Variants in PXK observed in about 807,000 individuals in gnomAD.
PXK encodes PX domain-containing protein kinase-like protein.
Under a neutral mutation model 84.7 loss-of-function variants are expected in PXK, and 35 were observed. The observed-to-expected ratio is 0.41, with a 90% CI of 0.32 to 0.55. The LOEUF is 0.55. PXK is among the 20% of genes least tolerant of loss of function. PXK has a pLI of 0.21. For synonymous variants in PXK, 253 were observed against 260.8 expected (o/e 0.97, Z 0.29); for missense variants, 634 against 699.7 (o/e 0.91, Z 1.06).
intron 7 of PXK, among the ~76,000 whole-genome samples, chr3:58,393,272 C>T (rs113533985): frequency 0.1 from 15,625 of 151,852 alleles, 1,058 homozygotes; most frequent in African/African-American, 0.18. Context: ...GGCGTGAACC[C>T]GGGAGGCGGA....
chr3:58,421,813 G>A lies in PXK; in HGVS notation c.1529-2939G>A, dbSNP rs2061915732. On this transcript the variant is annotated intron_variant, in intron 17 of 17. Coordinates refer to ENST00000356151, the MANE Select transcript of PXK (RefSeq NM_017771.5). This position sits in a 1 kb window ranked among gnomAD's most constrained non-coding sequence, Gnocchi z 5.5. ...TCAGGGATTTTGTCTAAGAGAAAGT[G>A]AGATGGGAGAAATCGGGACTGACCT... 1.0e-6 allele frequency: 1 copy of A among 985,450 alleles called. No individual in the cohort carries two copies. The highest frequency in any genetic ancestry group is 1.2e-6 in the Non-Finnish European group (1 of 829,940). 61.0% of individuals were successfully genotyped at this position (985,450 alleles called of 1,614,324 possible).
chr3:58,350,006 G>A (rs557240351), intron 1 of PXK, among the ~76,000 whole-genome samples: 3 of 152,278 alleles, frequency 2.0e-5, no homozygotes, highest in South Asian at 4.1e-4. Flanking sequence ...AGGTGCAACC[G>A]TTATTAGTAC....
At chr3:58,419,500 G>A (rs1291232922) in intron 17 of PXK, among the ~76,000 whole-genome samples, 1 of 152,232 alleles carries the variant, frequency 6.6e-6, no homozygotes, top group African/African-American at 2.4e-5. Context: ...TGATCCGCCC[G>A]CCTTGGCCTC....
chr3:58,392,731 G>A (rs986289652), intron 7 of PXK, among the ~76,000 whole-genome samples: 5 of 151,116 alleles, frequency 3.3e-5, no homozygotes, highest in African/African-American at 7.3e-5. Flanking sequence ...GTGCGATCTC[G>A]GCTCACTGCA....
At chr3:58,415,531 C>T (rs1328265450) in intron 17 of PXK, among the ~76,000 whole-genome samples, 1 of 152,238 alleles carries the variant, frequency 6.6e-6, no homozygotes. Flanking sequence ...CTTCAGGAAC[C>T]TCCGCATGTT....
chr3:58,345,433 C>A (rs1412230633), intron 1 of PXK, among the ~76,000 whole-genome samples: 1 of 152,032 alleles, frequency 6.6e-6, no homozygotes, highest in Non-Finnish European at 1.5e-5. Flanking sequence ...AAATTGTGTT[C>A]AGAGGAATAC....
At chr3:58,358,648 A>AT (rs990756680) in intron 1 of PXK, among the ~76,000 whole-genome samples, 14 of 152,242 alleles carry the variant, frequency 9.2e-5, no homozygotes, top group African/African-American at 3.4e-4. Flanking sequence ...TCTCCTGTGC[A>AT]TTACAGGACA....
At chr3:58,376,622 A>G (rs1248360768) in intron 3 of PXK, among the ~76,000 whole-genome samples, 1 of 151,168 alleles carries the variant, frequency 6.6e-6, no homozygotes, top group Non-Finnish European at 1.5e-5. Context: ...GTAATATATT[A>G]CCCTTTATTA....
chr3:58,411,761 T>G lies in PXK; in HGVS notation c.1466-1140T>G, dbSNP rs2060236664. Among the ~76,000 whole-genome samples, 1 of 152,202 alleles carries G rather than the reference T, an allele frequency of 6.6e-6. No homozygotes were observed. The highest frequency in any genetic ancestry group is 1.5e-5 in the Non-Finnish European group (1 of 68,040). Reference sequence around the variant, plus strand: ...TATACAGATAATTCCCAAACTTTACTGGAGTCAAGCAGTGAAGCTTCTCCC... The same window carrying G: ...TATACAGATAATTCCCAAACTTTACGGGAGTCAAGCAGTGAAGCTTCTCCC... On this transcript the variant is annotated intron_variant, in intron 16 of 17. Transcript: ENST00000356151. The surrounding 1 kb of genome is among the most constrained non-coding windows in gnomAD (Gnocchi z 4.2).
chr3:58,381,425 C>T (rs564043001), intron 3 of PXK, among the ~76,000 whole-genome samples: 1 of 151,750 alleles, frequency 6.6e-6, no homozygotes, highest in East Asian at 1.9e-4. Flanking sequence ...AGTGTAGGGA[C>T]CGCCAGTCCT....
At position 58,370,167 on chromosome 3, in the gene PXK, G is replaced by T. The variant is rs562438119; in HGVS notation, c.201+689G>T. On this transcript the variant is annotated intron_variant, in intron 3 of 17. Transcript: ENST00000356151. This position sits in a 1 kb window ranked among gnomAD's most constrained non-coding sequence, Gnocchi z 4.2. ...AACTAGGCTACATATCAGCTCTGCG[G>T]ATCAACATGCAGCAGTAACTGAGAG... Among the ~76,000 whole-genome samples, 1 of 152,334 alleles carries T rather than the reference G, an allele frequency of 6.6e-6. No homozygotes were observed. The highest frequency in any genetic ancestry group is 2.1e-4 in the South Asian group (1 of 4,834).
chr3:58,359,642 T>C (rs1379208539), intron 1 of PXK, among the ~76,000 whole-genome samples: 1 of 152,194 alleles, frequency 6.6e-6, no homozygotes, highest in Admixed American at 6.5e-5. Context: ...AAAACATGTT[T>C]ATGTGTAGTT....
In PXK at chr3:58,333,044, C is replaced by A; in HGVS notation, c.56C>A (p.Pro19Gln). The A allele has an allele frequency of 7.4e-7, 1 of 1,346,672 alleles. No homozygotes were observed. The highest frequency in any genetic ancestry group is 9.7e-7 in the Non-Finnish European group (1 of 1,034,892). The allele number at this position is 1,346,672 out of a possible 1,614,324, so 83.4% of individuals were successfully genotyped here. Residue 19 changes from proline (P) to glutamine (Q), a missense_variant, in exon 1 of 18, where the codon CCG (proline) becomes CAG (glutamine). Physicochemically the swap from Pro to Gln is moderately conservative, Grantham distance 76. Around this residue, in one of 3 missense-constraint regions of PXK, gnomAD observed 353 missense variants for 385.2 expected, o/e 0.92. Transcript: ENST00000356151. This position sits in a 1 kb window ranked among gnomAD's most constrained non-coding sequence, Gnocchi z 5.4. ...AGKVLLDDTV[P>Q]LTAAIEASQS... Reference sequence around the variant, plus strand: ...AAGGTGCTGCTGGACGACACGGTGCCGCTGACAGCAGCCATCGAGGCGAGC... The same window carrying A: ...AAGGTGCTGCTGGACGACACGGTGCAGCTGACAGCAGCCATCGAGGCGAGC...
At position 58,333,536 on chromosome 3, in the gene PXK, G is replaced by T; in HGVS notation, c.102+446G>T. On this transcript the variant is annotated intron_variant, in intron 1 of 17. Coordinates refer to ENST00000356151, the MANE Select transcript of PXK (RefSeq NM_017771.5). The surrounding 1 kb of genome is among the most constrained non-coding windows in gnomAD (Gnocchi z 5.4). ...GAGGGTCTGGGTGATGGGGATGAGG[G>T]TGTGCCGGGCCAAATGAAGTGTGAC... 1 of 456,750 alleles carries T rather than the reference G, an allele frequency of 2.2e-6. No individual in the cohort carries two copies. The highest frequency in any genetic ancestry group is 1.5e-5 in the South Asian group (1 of 64,566). 28.3% of individuals were successfully genotyped at this position (456,750 alleles called of 1,614,324 possible).
rs1422743826 is a variant in PXK at position 58,422,078 on chromosome 3, CT to C, written c.1529-2673del. On this transcript the variant is annotated intron_variant, in intron 17 of 17. Transcript: ENST00000356151. ...AACTTTCATTTGGCCCTTGTTGCCC[CT>C]GCCCCCTCTTCCTCCATTGTTAGCC... 6 of 985,280 alleles carry C rather than the reference CT, an allele frequency of 6.1e-6. No homozygotes were observed. The East Asian group carries it at 6.8e-4, about 112-fold the overall frequency. 61.0% of individuals were successfully genotyped at this position (985,280 alleles called of 1,614,324 possible). A position where few individuals can be genotyped will look rare whatever the true frequency, so the allele number is the denominator to read the frequency against.
chr3:58,410,437 G>A lies in PXK; in HGVS notation c.1465+278G>A, dbSNP rs182237129. ...CTAAAGACACAGGAGCATTAGTCAT[G>A]GAAGGAAAACAGACCTGACTTAAAA... On this transcript the variant is annotated intron_variant, in intron 16 of 17. Coordinates refer to ENST00000356151, the MANE Select transcript of PXK (RefSeq NM_017771.5). Among the ~76,000 whole-genome samples the A allele has an allele frequency of 1.9e-4, 29 of 152,292 alleles. No homozygotes were observed. In the East Asian group the frequency reaches 4.8e-3, roughly 25 times the overall value.
chr3:58,351,346 G>GC (rs1211761176), intron 1 of PXK, among the ~76,000 whole-genome samples: 2 of 151,502 alleles, frequency 1.3e-5, no homozygotes, highest in African/African-American at 2.4e-5. Context: ...ACCCGCCTCA[G>GC]CCCCCCAAAT....
intron 1 of PXK, among the ~76,000 whole-genome samples, chr3:58,359,080 T>G (rs1391379614): frequency 6.6e-6 from 1 of 152,218 alleles, no homozygotes; most frequent in African/African-American, 2.4e-5. Flanking sequence ...GCTTAGTCCA[T>G]GCTCACAATT....
intron 1 of PXK, among the ~76,000 whole-genome samples, chr3:58,339,218 GT>G (rs200469293): frequency 2.6e-5 from 3 of 113,640 alleles, no homozygotes; most frequent in Admixed American, 7.9e-5. Flanking sequence ...TTTGTGGGGG[GT>G]TTTTTTTTGT....
Sources: allele counts gnomAD v4.1 joint callset (sites outside exome capture counted in the v4.1 genomes callset), GRCh38; gene constraint gnomAD v4.1.1; regional missense constraint gnomAD v4.1.1; non-coding constraint Gnocchi (gnomAD v3.1); transcripts MANE v1.5; gene names NCBI Gene and HGNC (gene_info 2026-07-23, HGNC 2026-07-21).